The following ZMAT5 variants were observed in gnomAD, a reference collection of about 807,000 sequenced individuals.
The protein encoded by ZMAT5 is zinc finger matrin-type protein 5.
Under a neutral mutation model 28.0 loss-of-function variants are expected in ZMAT5, and 23 were observed. That is an observed-to-expected ratio of 0.82 (90% CI 0.59 to 1.16). ZMAT5 has a LOEUF of 1.16. Ranked by LOEUF, ZMAT5 falls within the 50% of genes most tolerant of loss-of-function variation. The pLI is 0.00. For synonymous variants in ZMAT5, 76 were observed against 84.1 expected (o/e 0.90, Z 0.52); for missense variants, 173 against 212.7 (o/e 0.81, Z 1.16).
intron 5 of ZMAT5, among the ~76,000 whole-genome samples, chr22:29,734,074 C>T (rs2067880585): frequency 6.6e-6 from 1 of 152,192 alleles, no homozygotes; most frequent in Non-Finnish European, 1.5e-5. Flanking sequence ...AGGATGGCAG[C>T]GCCCGCCCAG....
intron 5 of ZMAT5, 58 bp downstream of exon 5, chr22:29,738,272 G>A: frequency 4.0e-6 from 6 of 1,485,980 alleles, no homozygotes; most frequent in South Asian, 1.1e-5. Flanking sequence ...GAAGGGGAAG[G>A]CGGGCTGGGG....
chr22:29,740,102 T>C lies in ZMAT5; in HGVS notation c.271+548A>G, dbSNP rs572557657. Reference sequence around the variant, plus strand: ...TTCAGTGAGAGGCTGTGGAAGAAGATTGATAAACACCATCTCAGTCAGAAC... The same window carrying C: ...TTCAGTGAGAGGCTGTGGAAGAAGACTGATAAACACCATCTCAGTCAGAAC... On this transcript the variant is annotated intron_variant, in intron 4 of 5. Transcript: ENST00000344318. Among the ~76,000 whole-genome samples the C allele has an allele frequency of 3.8e-4, 58 of 152,302 alleles. 1 individual carries two copies. The highest frequency in any genetic ancestry group is 3.0e-3 in the Admixed American group (46 of 15,304).
chr22:29,731,585 A>C (rs1252787182), intron 5 of ZMAT5: 5 of 499,574 alleles, frequency 1.0e-5, no homozygotes, highest in Non-Finnish European at 1.7e-5. Flanking sequence ...GAGCTGCGAG[A>C]CAATGGGAAT....
At chr22:29,762,454 C>G (rs926952338) in intron 1 of ZMAT5, among the ~76,000 whole-genome samples, 3 of 152,240 alleles carry the variant, frequency 2.0e-5, no homozygotes, top group Non-Finnish European at 2.9e-5. Context: ...TTTACAGCCA[C>G]TCCCCATTGC....
Position 29,731,099 on chromosome 22 carries a change from T to C in ZMAT5, c.*126A>G. Reference sequence around the variant, plus strand: ...GGCTGCACTTGGTGTGGCCGTGTCCTGAGCCTCAGTGAGGCTGGGCAGATG... The same window carrying C: ...GGCTGCACTTGGTGTGGCCGTGTCCCGAGCCTCAGTGAGGCTGGGCAGATG... On this transcript the variant is annotated 3_prime_UTR_variant, in exon 6 of 6. Coordinates refer to ENST00000344318, the MANE Select transcript of ZMAT5 (RefSeq NM_001003692.2). 1 of 1,089,836 alleles carries C rather than the reference T, an allele frequency of 9.2e-7. No individual in the cohort carries two copies. The highest frequency in any genetic ancestry group is 1.2e-6 in the Non-Finnish European group (1 of 802,306). The allele number at this position is 1,089,836 out of a possible 1,614,324, so 67.5% of individuals were successfully genotyped here. A position where few individuals can be genotyped will look rare whatever the true frequency, so the allele number is the denominator to read the frequency against.
intron 1 of ZMAT5, among the ~76,000 whole-genome samples, chr22:29,756,867 C>T (rs1294741599): frequency 6.6e-6 from 1 of 151,896 alleles, no homozygotes; most frequent in Non-Finnish European, 1.5e-5. Context: ...GGTGAAACCC[C>T]ATCTCTACTA....
chr22:29,739,867 C>T (rs1164417966), intron 4 of ZMAT5, among the ~76,000 whole-genome samples: 2 of 152,242 alleles, frequency 1.3e-5, no homozygotes. Context: ...ACGGAGCCTG[C>T]AGTGTCTAAC....
chr22:29,754,318 G>A (rs923769165), intron 1 of ZMAT5, among the ~76,000 whole-genome samples: 3 of 152,200 alleles, frequency 2.0e-5, no homozygotes, highest in African/African-American at 7.2e-5. Flanking sequence ...CCACTCCCAG[G>A]GACCAGGTGC....
rs565576109 is a variant in ZMAT5, at chr22:29,746,061, C to G, written c.127+2357G>C. 4 of 152,392 alleles carry G rather than the reference C, an allele frequency of 2.6e-5. No individual in the cohort carries two copies. In the East Asian group the frequency reaches 7.7e-4, roughly 29 times the overall value. The allele number at this position is 152,392 out of a possible 1,614,324, so 9.4% of individuals were successfully genotyped here. A position where few individuals can be genotyped will look rare whatever the true frequency, so the allele number is the denominator to read the frequency against. On this transcript the variant is annotated intron_variant, in intron 2 of 5. Transcript: ENST00000344318. ...AATCTCGGCTCACTGCAGCCTCCAC[C>G]TCTTGGGGTCAAGTGATCCTCCTAC...
chr22:29,733,538 A>G (rs556615530), intron 5 of ZMAT5, among the ~76,000 whole-genome samples: 2 of 152,320 alleles, frequency 1.3e-5, no homozygotes, highest in Admixed American at 1.3e-4. Flanking sequence ...TAGAAAGTGC[A>G]GAAGGCAGCT....
At chr22:29,758,190 C>T (rs1173461093) in intron 1 of ZMAT5, among the ~76,000 whole-genome samples, 4 of 152,164 alleles carry the variant, frequency 2.6e-5, no homozygotes, top group Non-Finnish European at 5.9e-5. Flanking sequence ...ACCCTCTGGC[C>T]GCAGTTAAGC....
intron 2 of ZMAT5, chr22:29,747,426 G>C (rs902295714): frequency 1.3e-5 from 2 of 152,306 alleles, no homozygotes; most frequent in African/African-American, 4.8e-5. Context: ...CCCAACCAGG[G>C]AACTCTCTCT....
chr22:29,761,107 T>C (rs778911047), intron 1 of ZMAT5, among the ~76,000 whole-genome samples: 32 of 149,218 alleles, frequency 2.1e-4, no homozygotes, highest in Middle Eastern at 3.3e-3. Context: ...ACCCTGTCTC[T>C]ACTAAAAATA....
At chr22:29,749,560 C>T (rs566715178) in intron 1 of ZMAT5, among the ~76,000 whole-genome samples, 27 of 152,346 alleles carry the variant, frequency 1.8e-4, no homozygotes, top group African/African-American at 6.5e-4. Flanking sequence ...TGCTCCAATG[C>T]TACTTTATCC....
At chr22:29,733,282 TGCAGA>T (rs2067870530) in intron 5 of ZMAT5, among the ~76,000 whole-genome samples, 1 of 152,178 alleles carries the variant, frequency 6.6e-6, no homozygotes, top group East Asian at 1.9e-4. Context: ...GCCAGCCCTC[TGCAGA>T]GAGAGAAGGG....
intron 5 of ZMAT5, among the ~76,000 whole-genome samples, chr22:29,733,047 A>G (rs918356676): frequency 2.1e-4 from 32 of 152,188 alleles, no homozygotes; most frequent in African/African-American, 7.5e-4. Flanking sequence ...CCTCAGGCGA[A>G]CCCCATTTTA....
At position 29,748,470 on chromosome 22, in the gene ZMAT5, C is replaced by T. The variant is rs756582080; in HGVS notation, c.75G>A (p.Leu25=). The part of the protein sequence containing the change: ...QDNLHNRKKH[L]NGLQHLKAKK... ...TGGCCTTGAGGTGCTGCAGCCCGTT[C>T]AGGTGCTTCTTGCGGTTGTGGAGGT... The change falls in exon 2 of 6, where the codon CTG becomes CTA. Residue 25 remains leucine (L), a synonymous_variant. Coordinates refer to ENST00000344318, the MANE Select transcript of ZMAT5 (RefSeq NM_001003692.2). The T allele has an allele frequency of 6.2e-7, 1 of 1,614,254 alleles. No homozygotes were observed. The highest frequency in any genetic ancestry group is 1.7e-5 in the Admixed American group (1 of 60,032).
At chr22:29,740,816 CT>C in intron 3 of ZMAT5, 86 bp from the exon 4 acceptor site, 1 of 1,270,544 alleles carries the variant, frequency 7.9e-7, no homozygotes, top group Non-Finnish European at 1.1e-6. Context: ...ATCCCAGAAT[CT>C]TAGGGGCAGG....
rs147163077 is a variant in ZMAT5 at position 29,735,309 on chromosome 22, G to A, written c.383+3021C>T. 4.1e-3 allele frequency among the ~76,000 whole-genome samples: 617 copies of A among 152,294 alleles called. 5 individuals are homozygous for A. The highest frequency in any genetic ancestry group is 0.014 in the African/African-American group (600 of 41,546). On this transcript the variant is annotated intron_variant, in intron 5 of 5. Transcript: ENST00000344318. ...GCTGGACAGGCCTGCTCTGCCTAGA[G>A]AACAATTCATTTTGGCCCCAAGCCC...
Sources: allele counts gnomAD v4.1 joint callset (sites outside exome capture counted in the v4.1 genomes callset), GRCh38; gene constraint gnomAD v4.1.1; transcripts MANE v1.5; gene names NCBI Gene and HGNC (gene_info 2026-07-23, HGNC 2026-07-21).